NDC1: variants seen among roughly 807,000 people sequenced by gnomAD.
NDC1 encodes nucleoporin NDC1.
In NDC1, 24 loss-of-function variants were observed where a neutral mutation model predicts 89.8. The ratio of observed to expected loss-of-function variants is 0.27; its 90% confidence interval spans 0.19 to 0.38. The LOEUF (loss-of-function observed/expected upper bound fraction) is 0.38. NDC1 is among the 10% of genes least tolerant of loss of function. The probability of loss-of-function intolerance (pLI) is 1.00; values close to 1 mark genes in which losing one functional copy is unlikely to be tolerated. For missense variants in NDC1, 728 were observed against 797.6 expected, an observed-to-expected ratio of 0.91 and a Z score of 1.05; for synonymous variants, 296 against 284.8, an observed-to-expected ratio of 1.04 and a Z score of -0.39.
rs986694480 is a variant in NDC1 at position 53,767,178 on chromosome 1, C to T, written c.*792G>A. The T allele has an allele frequency of 1.3e-5, 2 of 152,156 alleles. No individual in the cohort carries two copies. 9.4% of individuals were successfully genotyped at this position (152,156 alleles called of 1,614,324 possible). A position where few individuals can be genotyped will look rare whatever the true frequency, so the allele number is the denominator to read the frequency against. The stretch of plus-strand genomic sequence containing the variant: ...TCTTGCTTGAAAAACTCTGCAATCA[C>T]TTAATGTTTTGCTCCAGAAAAAGAA... On this transcript the variant is annotated 3_prime_UTR_variant, in exon 18 of 18. Coordinates refer to ENST00000371429, the MANE Select transcript of NDC1 (RefSeq NM_018087.5).
intron 16 of NDC1, among the ~76,000 whole-genome samples, chr1:53,773,769 G>A (rs1647139145): frequency 1.3e-5 from 2 of 152,124 alleles, no homozygotes; most frequent in African/African-American, 4.8e-5. Context: ...AAGCCAGGTG[G>A]ACACCAGGGC....
chr1:53,827,260 C>T (rs1039622307), intron 4 of NDC1, among the ~76,000 whole-genome samples: 11 of 143,820 alleles, frequency 7.6e-5, no homozygotes, highest in African/African-American at 2.8e-4. Context: ...CTCCAATCAT[C>T]TTTGTTTAAA....
In NDC1 at chr1:53,814,814, A is replaced by G. The variant is rs556546932; in HGVS notation, c.703+4157T>C. Among the ~76,000 whole-genome samples the G allele has an allele frequency of 3.9e-5, 6 of 152,372 alleles. No homozygotes were observed. In the East Asian group the frequency reaches 1.2e-3, roughly 29 times the overall value. ...GAAATATGAAAGATTGTTCACAACT[A>G]CTATGAACAACACCTTTACGCACAT... On this transcript the variant is annotated intron_variant, in intron 6 of 17. Transcript: ENST00000371429.
In NDC1 at chr1:53,798,597, C is replaced by T. The variant is rs144628205; in HGVS notation, c.1223-1453G>A. ...TAAGAAGGAGTCTCACTCTGTCACC[C>T]AGACTGGAGTGCAGTGGCATGATCT... On this transcript the variant is annotated intron_variant, in intron 11 of 17. Transcript: ENST00000371429. 9.9e-5 allele frequency among the ~76,000 whole-genome samples: 15 copies of T among 151,178 alleles called. No homozygotes were observed. The East Asian group carries it at 2.1e-3, about 22-fold the overall frequency.
In NDC1 at chr1:53,809,752, G is replaced by A. The variant is rs763132682; in HGVS notation, c.704-6C>T. The A allele has an allele frequency of 7.5e-6, 12 of 1,610,096 alleles. No homozygotes were observed. Among genetic ancestry groups the A allele is most frequent in the Non-Finnish European group, 1.7e-6 (2 of 1,177,028 alleles). On this transcript the variant is annotated splice_region_variant and splice_polypyrimidine_tract_variant and intron_variant, in intron 6 of 17. Transcript: ENST00000371429. ...CCAAGCTTTGGGAATATAGCCTGAA[G>A]GGAAAAAATACCAAGCTATGAACAT...
intron 11 of NDC1, 149 bp downstream of exon 11, chr1:53,800,544 C>T: frequency 1.4e-6 from 1 of 720,022 alleles, no homozygotes; most frequent in Non-Finnish European, 2.3e-6. Flanking sequence ...TCAGGATGGT[C>T]TCGATCTCTT....
intron 11 of NDC1, among the ~76,000 whole-genome samples, chr1:53,799,468 G>A (rs919269563): frequency 6.6e-6 from 1 of 152,128 alleles, no homozygotes; most frequent in Non-Finnish European, 1.5e-5. Flanking sequence ...TAATCTATTT[G>A]TTTTGGGGCT....
chr1:53,787,984 G>A (rs1647361375), intron 15 of NDC1, among the ~76,000 whole-genome samples: 1 of 151,672 alleles, frequency 6.6e-6, no homozygotes, highest in African/African-American at 2.4e-5. Context: ...AAAAGAAACA[G>A]CTCTTTAACA....
chr1:53,785,833 C>T (rs1647289719), intron 16 of NDC1, among the ~76,000 whole-genome samples: 1 of 152,152 alleles, frequency 6.6e-6, no homozygotes, highest in South Asian at 2.1e-4. Context: ...AAAGATGCAC[C>T]AGTTATCATT....
chr1:53,836,169 T>C (rs1649224625), intron 1 of NDC1, among the ~76,000 whole-genome samples: 1 of 152,106 alleles, frequency 6.6e-6, no homozygotes, highest in African/African-American at 2.4e-5. Flanking sequence ...GTAAAACATG[T>C]CTGTTTACTG....
Position 53,819,005 on chromosome 1 carries a change from C to G in NDC1, c.669G>C (p.Leu223=). The change falls in exon 6 of 18, where the codon CTG becomes CTC. Residue 223 remains leucine, a synonymous_variant. Coordinates refer to ENST00000371429, the MANE Select transcript of NDC1 (RefSeq NM_018087.5). ...AATATAAAATGCAGAAATTTCTAAC[C>G]AGGAACAGTGATTCCACACAACTGT... ...VKHSCVESLF[L]VRNFCILYYF... 1 of 1,570,816 alleles carries G rather than the reference C, an allele frequency of 6.4e-7. No individual in the cohort carries two copies.
chr1:53,832,624 T>C (rs72662336), intron 2 of NDC1, 33 bp from the exon 3 acceptor site: 131,826 of 1,126,500 alleles, frequency 0.12, 8,459 homozygotes, highest in Middle Eastern at 0.15. Flanking sequence ...TAGTAAAGGT[T>C]ATTCAGTCAT....
In NDC1 at chr1:53,772,326, T is replaced by C. The variant is rs1435104404; in HGVS notation, c.1961+3A>G. 6.2e-7 allele frequency: 1 copy of C among 1,613,250 alleles called. No individual in the cohort carries two copies. The highest frequency in any genetic ancestry group is 1.3e-5 in the African/African-American group (1 of 75,034). On this transcript the variant is annotated splice_donor_region_variant and intron_variant, in intron 17 of 17. Transcript: ENST00000371429. ...CATCATGGATCAAAACAGGTAAACT[T>C]ACTTCAGATGTTCACCAAATGTAGT...
chr1:53,768,065 T>G (rs749993294), intron 17 of NDC1, 32 bp from the exon 18 acceptor site: 1 of 1,481,406 alleles, frequency 6.8e-7, no homozygotes, highest in East Asian at 2.3e-5. Context: ...AGCATAAGCT[T>G]TATTTTACAT....
At chr1:53,771,511 T>C (rs1198324753) in intron 17 of NDC1, among the ~76,000 whole-genome samples, 1 of 152,218 alleles carries the variant, frequency 6.6e-6, no homozygotes, top group Non-Finnish European at 1.5e-5. Context: ...TTTCTGGAAG[T>C]AGGGAAAGAT....
chr1:53,826,238 G>A (rs1013289814), intron 4 of NDC1, among the ~76,000 whole-genome samples: 8 of 152,304 alleles, frequency 5.3e-5, no homozygotes, highest in Non-Finnish European at 1.2e-4. Context: ...GACAGCAACT[G>A]TAAATAAGTT....
At chr1:53,808,471 T>C (rs991234415) in intron 7 of NDC1, among the ~76,000 whole-genome samples, 2 of 152,234 alleles carry the variant, frequency 1.3e-5, no homozygotes. Context: ...AATATGTTCA[T>C]TCTTCCTCTT....
intron 16 of NDC1, among the ~76,000 whole-genome samples, chr1:53,780,326 A>G (rs1647195236): frequency 6.6e-6 from 1 of 152,146 alleles, no homozygotes; most frequent in Non-Finnish European, 1.5e-5. Context: ...CACCCGCCTC[A>G]GCCTCCCAAA....
At chr1:53,825,129 C>T (rs574009118) in intron 5 of NDC1, among the ~76,000 whole-genome samples, 3 of 152,008 alleles carry the variant, frequency 2.0e-5, no homozygotes, top group African/African-American at 4.8e-5. Flanking sequence ...ACCGTGACCA[C>T]GCCACTGCAC....
Sources: gnomAD v4.1 joint callset for allele counts (sites outside exome capture counted in the v4.1 genomes callset) on GRCh38, gnomAD v4.1.1 for gene constraint, MANE v1.5 for transcripts, NCBI Gene and HGNC (gene_info 2026-07-23, HGNC 2026-07-21) for gene names.